KLHL20: variants seen among roughly 807,000 people sequenced by gnomAD.
The protein encoded by KLHL20 is kelch-like protein 20.
A neutral mutation model predicts 69.5 loss-of-function variants in KLHL20; 29 were observed. That is an observed-to-expected ratio of 0.42 (90% CI 0.31 to 0.57). The LOEUF (loss-of-function observed/expected upper bound fraction) is 0.57. KLHL20 is among the 20% of genes least tolerant of loss of function. The probability of loss-of-function intolerance (pLI) is 0.18; values close to 1 mark genes in which losing one functional copy is unlikely to be tolerated. For synonymous variants in KLHL20, 253 were observed against 265.2 expected (o/e 0.95, Z 0.45); for missense variants, 419 against 776.0 (o/e 0.54, Z 5.47).
chr1:173,771,874 C>T (rs1648115542), intron 8 of KLHL20, among the ~76,000 whole-genome samples: 1 of 152,124 alleles, frequency 6.6e-6, no homozygotes, highest in South Asian at 2.1e-4. Flanking sequence ...TAATTGTTCT[C>T]AGGGATATTG....
intron 3 of KLHL20, among the ~76,000 whole-genome samples, chr1:173,745,157 A>G (rs1316049299): frequency 6.9e-6 from 1 of 145,448 alleles, no homozygotes; most frequent in East Asian, 2.0e-4. Context: ...TAACTTTTAT[A>G]CATTTCTTTT....
chr1:173,773,736 G>A (rs561494253), intron 8 of KLHL20, among the ~76,000 whole-genome samples: 5 of 150,470 alleles, frequency 3.3e-5, no homozygotes, highest in African/African-American at 9.7e-5. Context: ...GTTGCCAGCC[G>A]GGCACGGTCA....
At chr1:173,784,785 T>C (rs1048686889) in intron 11 of KLHL20, among the ~76,000 whole-genome samples, 3 of 152,156 alleles carry the variant, frequency 2.0e-5, no homozygotes, top group Non-Finnish European at 2.9e-5. Flanking sequence ...AGGGAAAACA[T>C]AGGTGGGACA....
At position 173,750,466 on chromosome 1, in the gene KLHL20, T is replaced by C. The variant is rs1174995856; in HGVS notation, c.598-1298T>C. Among the ~76,000 whole-genome samples the C allele has an allele frequency of 2.7e-5, 4 of 150,738 alleles. No homozygotes were observed. In the East Asian group the frequency reaches 7.8e-4, roughly 29 times the overall value. On this transcript the variant is annotated intron_variant, in intron 3 of 11. Transcript: ENST00000209884. ...AAGGGACTACAGGCACGCACCACCA[T>C]GTCCGGCTAATTTTTCTTTTTCTTT...
intron 2 of KLHL20, among the ~76,000 whole-genome samples, chr1:173,724,522 A>C (rs1370155693): frequency 6.6e-6 from 1 of 152,214 alleles, no homozygotes; most frequent in Non-Finnish European, 1.5e-5. Context: ...TTTTCTCTGC[A>C]TGTTTATATA....
chr1:173,765,829 A>G lies in KLHL20; in HGVS notation c.1152-317A>G, dbSNP rs558344647. Among the ~76,000 whole-genome samples the G allele has an allele frequency of 1.9e-3, 296 of 152,288 alleles. 1 individual carries two copies. The highest frequency in any genetic ancestry group is 6.7e-3 in the African/African-American group (278 of 41,576). On this transcript the variant is annotated intron_variant, in intron 7 of 11. Transcript: ENST00000209884. Reference sequence around the variant, plus strand: ...TATATATGTGGATACATATATACCTATATGAAAGCATTTTACTGAAAAGTC... The same window carrying G: ...TATATATGTGGATACATATATACCTGTATGAAAGCATTTTACTGAAAAGTC...
chr1:173,785,307 G>C lies in KLHL20; in HGVS notation c.*60G>C. ...TATTCTGGGGAGCTTTGACCTTGGA[G>C]CTTTGTACAGCTTGAGAAAACATTA... On this transcript the variant is annotated 3_prime_UTR_variant, in exon 12 of 12. Coordinates refer to ENST00000209884, the MANE Select transcript of KLHL20 (RefSeq NM_014458.4). 8.9e-7 allele frequency: 1 copy of C among 1,128,836 alleles called. No homozygotes were observed. Among genetic ancestry groups the C allele is most frequent in the Admixed American group, 2.7e-5 (1 of 36,732 alleles). 69.9% of individuals were successfully genotyped at this position (1,128,836 alleles called of 1,614,324 possible).
At chr1:173,750,761 A>G (rs1673272888) in intron 3 of KLHL20, among the ~76,000 whole-genome samples, 1 of 151,294 alleles carries the variant, frequency 6.6e-6, no homozygotes, top group Admixed American at 6.6e-5. Flanking sequence ...AGTTCTCACT[A>G]TGTTGCCCAG....
intron 2 of KLHL20, among the ~76,000 whole-genome samples, chr1:173,731,977 C>T (rs1018099252): frequency 5.9e-5 from 9 of 152,094 alleles, no homozygotes; most frequent in African/African-American, 2.2e-4. Flanking sequence ...GCAGGCGGAT[C>T]ACGAGGTCAG....
chr1:173,756,694 A>G (rs1673563569), intron 6 of KLHL20, among the ~76,000 whole-genome samples: 1 of 152,218 alleles, frequency 6.6e-6, no homozygotes. Context: ...ATCCATCTAT[A>G]ATTTCTCCAT....
At chr1:173,770,939 A>ATGAC (rs1648053876) in intron 8 of KLHL20, among the ~76,000 whole-genome samples, 1 of 152,182 alleles carries the variant, frequency 6.6e-6, no homozygotes, top group African/African-American at 2.4e-5. Context: ...TGCTAATAAC[A>ATGAC]TGACTGTACC....
chr1:173,746,684 CAA>C (rs1019395236), intron 3 of KLHL20, among the ~76,000 whole-genome samples: 6 of 151,952 alleles, frequency 3.9e-5, no homozygotes, highest in Non-Finnish European at 8.8e-5. Flanking sequence ...TTTTTTCAAA[CAA>C]AGAGGATTTT....
chr1:173,756,983 T>C lies in KLHL20; in HGVS notation c.975T>C (p.Gly325=). ...TTTCTGTTACTTCCCCAGTTGGTGGTTGGTGCAGTGGAGATGCCATTTCCA... is the reference window on the plus strand; with the variant it reads ...TTTCTGTTACTTCCCCAGTTGGTGGCTGGTGCAGTGGAGATGCCATTTCCA... ...RCGEVLFAVG[G]WCSGDAISSV... is the part of the protein sequence containing the mutation. Residue 325 remains glycine, a synonymous_variant, in exon 7 of 12, where the codon GGT becomes GGC. Transcript: ENST00000209884. The C allele has an allele frequency of 6.2e-7, 1 of 1,612,730 alleles. No homozygotes were observed. The highest frequency in any genetic ancestry group is 1.1e-5 in the South Asian group (1 of 90,836).
chr1:173,743,435 T>C (rs1398255663), intron 3 of KLHL20, among the ~76,000 whole-genome samples: 1 of 152,034 alleles, frequency 6.6e-6, no homozygotes, highest in East Asian at 1.9e-4. Context: ...CATATTCCTT[T>C]ACTCCTGAAT....
At chr1:173,741,581 C>A (rs932693782) in intron 3 of KLHL20, 72 of 425,508 alleles carry the variant, frequency 1.7e-4, no homozygotes, top group Middle Eastern at 1.2e-3. Flanking sequence ...TAAAACAAAG[C>A]AAAATAAAAA....
rs1033735608 is a variant in KLHL20 at position 173,756,651 on chromosome 1, A to G, written c.968-325A>G. Among the ~76,000 whole-genome samples, 4 of 152,372 alleles carry G rather than the reference A, an allele frequency of 2.6e-5. No individual in the cohort carries two copies. In the South Asian group the frequency reaches 8.3e-4, roughly 32 times the overall value. ...CACATGGAATTGTGAAAAAACATTAAACAATTATAATTTATTTCTCCATTC... is the reference window on the plus strand; with the variant it reads ...CACATGGAATTGTGAAAAAACATTAGACAATTATAATTTATTTCTCCATTC... On this transcript the variant is annotated intron_variant, in intron 6 of 11. Coordinates refer to ENST00000209884, the MANE Select transcript of KLHL20 (RefSeq NM_014458.4).
chr1:173,766,307 T>G lies in KLHL20; in HGVS notation c.1295+18T>G, dbSNP rs1295764206. On this transcript the variant is annotated intron_variant, in intron 8 of 11. Transcript: ENST00000209884. ...GTTGAGAGGTGATCTTTTTTTTAAGTCATTTTCCGTATTTTTATTTTAAAG... is the reference window on the plus strand; with the variant it reads ...GTTGAGAGGTGATCTTTTTTTTAAGGCATTTTCCGTATTTTTATTTTAAAG... 6.4e-7 allele frequency: 1 copy of G among 1,564,992 alleles called. No individual in the cohort carries two copies.
rs1391303710 is a variant in KLHL20 at position 173,753,189 on chromosome 1, A to G, written c.757-24A>G. ...CCTATCTCAAAATTAATTAATTAAA[A>G]TAATGGTGTTTATTTTCTCATAGGT... On this transcript the variant is annotated intron_variant, in intron 4 of 11. Transcript: ENST00000209884. 3.2e-6 allele frequency: 5 copies of G among 1,579,452 alleles called. No individual in the cohort carries two copies. The South Asian group carries it at 5.5e-5, about 18-fold the overall frequency.
At chr1:173,729,326 C>T (rs1672137257) in intron 2 of KLHL20, among the ~76,000 whole-genome samples, 1 of 152,182 alleles carries the variant, frequency 6.6e-6, no homozygotes, top group Non-Finnish European at 1.5e-5. Flanking sequence ...CCTTCTGAAA[C>T]TATTCCAATC....
Sources: gnomAD v4.1 joint callset for allele counts (sites outside exome capture counted in the v4.1 genomes callset) on GRCh38, gnomAD v4.1.1 for gene constraint, MANE v1.5 for transcripts, NCBI Gene and HGNC (gene_info 2026-07-23, HGNC 2026-07-21) for gene names.